Variants in CLCN3 observed in about 807,000 individuals in gnomAD.
CLCN3 encodes H(+)/Cl(-) exchange transporter 3.
CLCN3 carries 16 observed loss-of-function variants against 83.4 expected under a neutral mutation model. That is an observed-to-expected ratio of 0.19 (90% CI 0.13 to 0.29). The LOEUF (loss-of-function observed/expected upper bound fraction) is 0.29. Among genes scored for constraint, CLCN3 ranks in the 10% least tolerant of loss-of-function variants. CLCN3 has a pLI of 1.00. For synonymous variants in CLCN3, 322 were observed against 346.2 expected, an observed-to-expected ratio of 0.93 and a Z score of 0.78; for missense variants, 544 against 1,006.0, an observed-to-expected ratio of 0.54 and a Z score of 6.21.
intron 6 of CLCN3, among the ~76,000 whole-genome samples, chr4:169,691,551 C>T (rs1167119098): frequency 6.6e-6 from 1 of 152,042 alleles, no homozygotes; most frequent in Non-Finnish European, 1.5e-5. Flanking sequence ...AAATAAGTTA[C>T]CAACTTTTTC....
chr4:169,664,829 G>A (rs1361995542), intron 2 of CLCN3, among the ~76,000 whole-genome samples: 4 of 152,190 alleles, frequency 2.6e-5, no homozygotes, highest in African/African-American at 9.6e-5. Flanking sequence ...ATTTCCGAGT[G>A]TGAACAGATT....
chr4:169,639,500 G>A (rs946995263), intron 2 of CLCN3, among the ~76,000 whole-genome samples: 1 of 152,198 alleles, frequency 6.6e-6, no homozygotes, highest in African/African-American at 2.4e-5. Flanking sequence ...TTTAGAATTG[G>A]GAAGGTTGTA....
At chr4:169,676,836 T>C (rs1279581204) in intron 2 of CLCN3, among the ~76,000 whole-genome samples, 4 of 152,072 alleles carry the variant, frequency 2.6e-5, no homozygotes, top group African/African-American at 9.7e-5. Context: ...AATTGTCTTT[T>C]ACAGACTATA....
rs144790307 is a variant in CLCN3 at position 169,720,025 on chromosome 4, C to T, written c.*28C>T. Reference sequence around the variant, plus strand: ...CTCACAGATGAGGAGAGAGAAGAAACGGAAGAGGAAGTTTATTTGTTGAAT... The same window carrying T: ...CTCACAGATGAGGAGAGAGAAGAAATGGAAGAGGAAGTTTATTTGTTGAAT... On this transcript the variant is annotated 3_prime_UTR_variant, in exon 13 of 13. Transcript: ENST00000513761. 6.4e-5 allele frequency: 104 copies of T among 1,613,124 alleles called. No homozygotes were observed. In the African/African-American group the frequency reaches 9.9e-4, roughly 15 times the overall value.
chr4:169,711,129 C>T (rs1733196602), intron 11 of CLCN3, among the ~76,000 whole-genome samples: 1 of 152,198 alleles, frequency 6.6e-6, no homozygotes, highest in Non-Finnish European at 1.5e-5. Context: ...CAGTTGCTTA[C>T]AAAAACTACA....
intron 12 of CLCN3, among the ~76,000 whole-genome samples, chr4:169,713,881 CAAAT>C (rs919017693): frequency 3.3e-5 from 5 of 152,224 alleles, no homozygotes; most frequent in East Asian, 3.9e-4. Context: ...CTGCTAAGGA[CAAAT>C]AAATACTCAT....
chr4:169,667,104 A>G (rs2150225404), intron 2 of CLCN3, among the ~76,000 whole-genome samples: 1 of 152,214 alleles, frequency 6.6e-6, no homozygotes, highest in African/African-American at 2.4e-5. Flanking sequence ...GATCACAAAA[A>G]TTTACTCCTG....
chr4:169,638,979 C>T (rs114369967), intron 2 of CLCN3, among the ~76,000 whole-genome samples: 1,575 of 152,222 alleles, frequency 0.01, 29 homozygotes, highest in African/African-American at 0.036. Flanking sequence ...GAGGAAGGCC[C>T]AATTAGCAAG....
At chr4:169,674,507 A>C (rs1196091301) in intron 2 of CLCN3, among the ~76,000 whole-genome samples, 1 of 152,118 alleles carries the variant, frequency 6.6e-6, no homozygotes, top group Admixed American at 6.6e-5. Flanking sequence ...CTAGCTTTTC[A>C]AAGTGGAAGT....
chr4:169,690,554 T>A lies in CLCN3; in HGVS notation c.631T>A (p.Tyr211Asn). ...GGGTCCTGGTTCTTATATCATGAAC[T>A]ACATAATGTACATCTTCTGGGCCTT... ...AEGPGSYIMN[Y>N]IMYIFWALSF... Residue 211 changes from tyrosine to asparagine, a missense_variant, in exon 6 of 13, where the codon TAC becomes AAC. By Grantham distance (143) the Tyr-to-Asn change is moderately radical (BLOSUM62 -2). Around this residue, in one of 6 missense-constraint regions of CLCN3, gnomAD observed 96 missense variants for 202.1 expected, o/e 0.48. Coordinates refer to ENST00000513761, the MANE Select transcript of CLCN3 (RefSeq NM_001829.4). 6.2e-7 allele frequency: 1 copy of A among 1,613,246 alleles called. No individual in the cohort carries two copies. The highest frequency in any genetic ancestry group is 8.5e-7 in the Non-Finnish European group (1 of 1,179,574).
In CLCN3 at chr4:169,701,088, CCTT is replaced by C. The variant is rs567327633; in HGVS notation, c.1564-2906_1564-2904del. Among the ~76,000 whole-genome samples, 520 of 152,302 alleles carry C rather than the reference CCTT, an allele frequency of 3.4e-3. 3 individuals carry two copies. The highest frequency in any genetic ancestry group is 0.014 in the Middle Eastern group (4 of 294). On this transcript the variant is annotated intron_variant, in intron 9 of 12. Transcript: ENST00000513761. ...TTGATACCATTTTACCTACAGTAGA[CCTT>C]CTTTTCAAAATTAGAGTCATCCTCT...
At chr4:169,649,471 GA>G (rs1264169206) in intron 2 of CLCN3, among the ~76,000 whole-genome samples, 1 of 152,186 alleles carries the variant, frequency 6.6e-6, no homozygotes. Flanking sequence ...GTTCAGAAAA[GA>G]AATTATAGTG....
At chr4:169,660,302 G>A (rs1351081938) in intron 2 of CLCN3, 2 of 1,329,080 alleles carry the variant, frequency 1.5e-6, no homozygotes, top group African/African-American at 3.0e-5. Flanking sequence ...TGGAAGAAAT[G>A]TCACTTTCTT....
At chr4:169,700,583 A>G (rs1291434591) in intron 9 of CLCN3, among the ~76,000 whole-genome samples, 1 of 152,076 alleles carries the variant, frequency 6.6e-6, no homozygotes, top group African/African-American at 2.4e-5. Context: ...TCTTTAAATG[A>G]TCTTGCTTAT....
intron 4 of CLCN3, among the ~76,000 whole-genome samples, chr4:169,687,958 C>T (rs1732226393): frequency 6.6e-6 from 1 of 152,170 alleles, no homozygotes; most frequent in African/African-American, 2.4e-5. Flanking sequence ...ACGTGTTTAT[C>T]CAGCTTGGTT....
chr4:169,628,182 A>G (rs950568918), intron 1 of CLCN3, among the ~76,000 whole-genome samples: 10 of 152,214 alleles, frequency 6.6e-5, no homozygotes, highest in Admixed American at 4.6e-4. Flanking sequence ...CACAGACTGA[A>G]ATATAAAAAT....
chr4:169,660,032 G>A, intron 2 of CLCN3: 2 of 998,618 alleles, frequency 2.0e-6, no homozygotes, highest in Non-Finnish European at 2.4e-6. Context: ...TACCGAAGCT[G>A]TATTGTGAGT....
chr4:169,672,434 C>G (rs1434131644), intron 2 of CLCN3, among the ~76,000 whole-genome samples: 1 of 151,784 alleles, frequency 6.6e-6, no homozygotes, highest in African/African-American at 2.4e-5. Flanking sequence ...GTCACCACGC[C>G]CAGCCTTTGA....
chr4:169,646,705 T>C (rs1289130350), intron 2 of CLCN3, among the ~76,000 whole-genome samples: 3 of 152,158 alleles, frequency 2.0e-5, no homozygotes, highest in Non-Finnish European at 4.4e-5. Context: ...ATCTATATTG[T>C]TAAACTGTAT....
Sources: allele counts gnomAD v4.1 joint callset (sites outside exome capture counted in the v4.1 genomes callset), GRCh38; gene constraint gnomAD v4.1.1; regional missense constraint gnomAD v4.1.1; transcripts MANE v1.5; gene names NCBI Gene and HGNC (gene_info 2026-07-23, HGNC 2026-07-21).